SLC9C1: variants seen among roughly 807,000 people sequenced by gnomAD.
SLC9C1 encodes sodium/hydrogen exchanger 10.
Under a neutral mutation model 140.9 loss-of-function variants are expected in SLC9C1, and 97 were observed. The observed-to-expected ratio is 0.69, with a 90% CI of 0.58 to 0.82. The LOEUF is 0.82. SLC9C1 is among the 40% of genes least tolerant of loss of function. The pLI, the probability that SLC9C1 is intolerant of heterozygous loss-of-function variation, is 0.00. For missense variants in SLC9C1, 1,340 were observed against 1,389.3 expected (o/e 0.96, Z 0.56); for synonymous variants, 440 against 442.6 (o/e 0.99, Z 0.07).
intron 6 of SLC9C1, among the ~76,000 whole-genome samples, chr3:112,273,284 G>A (rs976734531): frequency 1.3e-5 from 2 of 151,964 alleles, no homozygotes; most frequent in African/African-American, 4.8e-5. Context: ...ACCTCCCTTT[G>A]CACCCTGGGT....
chr3:112,278,883 T>C, intron 3 of SLC9C1, 26 bp from the exon 4 acceptor site: 1 of 1,559,030 alleles, frequency 6.4e-7, no homozygotes. Context: ...TATATCATCT[T>C]CTCATTTATT....
chr3:112,275,975 T>G (rs142872733), intron 5 of SLC9C1, among the ~76,000 whole-genome samples: 6 of 152,180 alleles, frequency 3.9e-5, no homozygotes, highest in Non-Finnish European at 5.9e-5. Flanking sequence ...TGTAGGAATA[T>G]AAGAGATACA....
chr3:112,242,382 C>T (rs2079159850), intron 11 of SLC9C1, among the ~76,000 whole-genome samples: 1 of 152,140 alleles, frequency 6.6e-6, no homozygotes, highest in South Asian at 2.1e-4. Context: ...TTTGCAACAG[C>T]ATGGATGGAA....
intron 20 of SLC9C1, among the ~76,000 whole-genome samples, chr3:112,197,598 T>A (rs2077799362): frequency 6.6e-6 from 1 of 152,180 alleles, no homozygotes; most frequent in South Asian, 2.1e-4. Flanking sequence ...AGCCTTCCCC[T>A]GAAAGTTGCA....
At chr3:112,287,805 T>C (rs1363780962) in intron 1 of SLC9C1, among the ~76,000 whole-genome samples, 1 of 152,020 alleles carries the variant, frequency 6.6e-6, no homozygotes, top group Non-Finnish European at 1.5e-5. Context: ...CCCAATACTT[T>C]GGGAGGCCGA....
chr3:112,287,912 G>T (rs1276054163), intron 1 of SLC9C1, among the ~76,000 whole-genome samples: 1 of 151,846 alleles, frequency 6.6e-6, no homozygotes, highest in South Asian at 2.1e-4. Context: ...GCATGGTGGC[G>T]GGCGCCTGTA....
chr3:112,270,990 C>T (rs148609175), intron 6 of SLC9C1, among the ~76,000 whole-genome samples: 31 of 151,962 alleles, frequency 2.0e-4, no homozygotes, highest in African/African-American at 7.5e-4. Flanking sequence ...TATTTGTCCT[C>T]AAAAAAGAAG....
intron 7 of SLC9C1, among the ~76,000 whole-genome samples, chr3:112,267,563 A>G: frequency 8.7e-6 from 1 of 114,632 alleles, no homozygotes. Context: ...GTGACAGAGC[A>G]AGACTCCGTC....
In SLC9C1 at chr3:112,167,384, A is replaced by C. The variant is rs749912777; in HGVS notation, c.3238-37T>G. ...CAGAATGCAAGTTAATTTCTGAGCA[A>C]ATATCCTACAATTAAAAATTTACCT... On this transcript the variant is annotated intron_variant, in intron 25 of 28. Coordinates refer to ENST00000305815, the MANE Select transcript of SLC9C1 (RefSeq NM_183061.3). 28 of 1,528,204 alleles carry C rather than the reference A, an allele frequency of 1.8e-5. No homozygotes were observed. In the Admixed American group the frequency reaches 3.3e-4, roughly 18 times the overall value. The allele number at this position is 1,528,204 out of a possible 1,614,324, so 94.7% of individuals were successfully genotyped here.
intron 7 of SLC9C1, among the ~76,000 whole-genome samples, 180 bp downstream of exon 7, chr3:112,269,736 T>C (rs2080019740): frequency 7.3e-6 from 1 of 136,472 alleles, no homozygotes; most frequent in Non-Finnish European, 1.7e-5. Context: ...TATTGGTACA[T>C]TGTTTCTGTT....
chr3:112,154,638 G>A (rs778464100), intron 27 of SLC9C1, among the ~76,000 whole-genome samples: 3 of 152,296 alleles, frequency 2.0e-5, no homozygotes, highest in South Asian at 2.1e-4. Flanking sequence ...CATAGCTGAG[G>A]TAGCACTGAA....
intron 25 of SLC9C1, 89 bp downstream of exon 25, chr3:112,168,787 CT>C: frequency 8.1e-7 from 1 of 1,239,190 alleles, no homozygotes; most frequent in Non-Finnish European, 1.1e-6. Flanking sequence ...AGATGAAAAG[CT>C]TAAGATTATA....
Position 112,202,362 on chromosome 3 carries a change from C to G in SLC9C1, c.2210G>C (p.Arg737Thr). The G allele has an allele frequency of 6.2e-7, 1 of 1,606,444 alleles. No homozygotes were observed. Among genetic ancestry groups the G allele is most frequent in the South Asian group, 1.1e-5 (1 of 88,848 alleles). The change falls in exon 18 of 29, where the codon AGA becomes ACA. Residue 737 changes from arginine to threonine, a missense_variant. Arg to Thr is a moderately conservative substitution (Grantham distance 71). Coordinates refer to ENST00000305815, the MANE Select transcript of SLC9C1 (RefSeq NM_183061.3). Reference protein sequence around the residue: ...APKLLQIIDKRMSHQKTFWYG... With the variant: ...APKLLQIIDKTMSHQKTFWYG... Reference sequence around the variant, plus strand: ...CCAAAAGGTCTTCTGATGACTCATTCTTTTATCTATTATTTGCAGCAACTT... The same window carrying G: ...CCAAAAGGTCTTCTGATGACTCATTGTTTTATCTATTATTTGCAGCAACTT...
chr3:112,264,930 T>G (rs1436326479), intron 8 of SLC9C1, among the ~76,000 whole-genome samples: 3 of 151,484 alleles, frequency 2.0e-5, no homozygotes, highest in African/African-American at 7.3e-5. Flanking sequence ...GATGAGGGAG[T>G]AGAAGGATTA....
chr3:112,206,814 C>T (rs1217448431), intron 16 of SLC9C1, among the ~76,000 whole-genome samples: 1 of 143,346 alleles, frequency 7.0e-6, no homozygotes, highest in African/African-American at 2.6e-5. Flanking sequence ...GGACACAGGG[C>T]AAGGAACATC....
chr3:112,168,038 A>G (rs945288970), intron 25 of SLC9C1, among the ~76,000 whole-genome samples: 3 of 151,890 alleles, frequency 2.0e-5, no homozygotes, highest in Admixed American at 1.3e-4. Flanking sequence ...TTCCCATTAC[A>G]CTTTTTTCTT....
chr3:112,181,102 A>G lies in SLC9C1; in HGVS notation c.2650-440T>C, dbSNP rs116602471. On this transcript the variant is annotated intron_variant, in intron 21 of 28. Transcript: ENST00000305815. ...AAGTTTTTACATTTAAAAAATTACT[A>G]TCATTTGATAATATCTGAAATATAT... Among the ~76,000 whole-genome samples the G allele has an allele frequency of 7.8e-3, 1,184 of 152,360 alleles. 17 individuals carry two copies. The highest frequency in any genetic ancestry group is 0.027 in the African/African-American group (1,121 of 41,588).
chr3:112,202,460 A>G, intron 17 of SLC9C1, 61 bp from the exon 18 acceptor site: 1 of 1,477,130 alleles, frequency 6.8e-7, no homozygotes, highest in Non-Finnish European at 9.1e-7. Flanking sequence ...TGATATGTTG[A>G]TTAGTTTAAT....
In SLC9C1 at chr3:112,221,164, A is replaced by G. The variant is rs770478268; in HGVS notation, c.1634T>C (p.Val545Ala). The G allele has an allele frequency of 5.0e-6, 8 of 1,613,544 alleles. No individual in the cohort carries two copies. The highest frequency in any genetic ancestry group is 2.2e-5 in the East Asian group (1 of 44,868). Residue 545 changes from valine (V) to alanine (A), a missense_variant, in exon 14 of 29, where the codon GTT becomes GCT. Transcript: ENST00000305815. ...CTCACCAAAACTTTCTGCTGCACCAACCAACACCTGGACAGCACTCTGGGA... is the reference window on the plus strand; with the variant it reads ...CTCACCAAAACTTTCTGCTGCACCAGCCAACACCTGGACAGCACTCTGGGA... ...ILSQSAVQVL[V>A]GAAESFGEKK... is the part of the protein sequence containing the mutation.
Sources: gnomAD v4.1 joint callset for allele counts (sites outside exome capture counted in the v4.1 genomes callset) on GRCh38, gnomAD v4.1.1 for gene constraint, MANE v1.5 for transcripts, NCBI Gene and HGNC (gene_info 2026-07-23, HGNC 2026-07-21) for gene names.